The following SERGEF variants were observed in gnomAD, a reference collection of about 807,000 sequenced individuals.
The protein encoded by SERGEF is secretion regulating guanine nucleotide exchange factor, also known as secretion-regulating guanine nucleotide exchange factor.
A neutral mutation model predicts 50.0 loss-of-function variants in SERGEF; 51 were observed. The ratio of observed to expected loss-of-function variants is 1.02; its 90% CI spans 0.81 to 1.29. The LOEUF is 1.29. Ranked by LOEUF, SERGEF falls within the 50% of genes most tolerant of loss-of-function variation. SERGEF has a pLI of 0.00. For missense variants in SERGEF, 521 were observed against 557.0 expected (o/e 0.94, Z 0.65); for synonymous variants, 205 against 212.4 (o/e 0.97, Z 0.30).
At chr11:17,978,442 TGAG>T (rs1200232630) in intron 8 of SERGEF, among the ~76,000 whole-genome samples, 5 of 152,176 alleles carry the variant, frequency 3.3e-5, no homozygotes, top group African/African-American at 1.2e-4. Flanking sequence ...TCCAGAGAAC[TGAG>T]GAGGAGAACT....
intron 10 of SERGEF, among the ~76,000 whole-genome samples, chr11:17,789,616 C>CAAAAG (rs1288054519): frequency 2.0e-5 from 3 of 152,066 alleles, no homozygotes; most frequent in East Asian, 1.9e-4. Flanking sequence ...ATCTTCATGA[C>CAAAAG]AAAAGAAAAG....
chr11:17,919,985 C>T (rs1184777695), intron 9 of SERGEF, among the ~76,000 whole-genome samples: 1 of 150,480 alleles, frequency 6.6e-6, no homozygotes, highest in Non-Finnish European at 1.5e-5. Context: ...CGGTGGCTCA[C>T]GCCTGTAATC....
At position 17,932,779 on chromosome 11, in the gene SERGEF, A is replaced by T. The variant is rs187217261; in HGVS notation, c.1011+26691T>A. ...GAATAGAGATGCGGAACAAATGGAGAGGCAGAGCAACTTCAAGCTGGGTGG... is the reference window on the plus strand; with the variant it reads ...GAATAGAGATGCGGAACAAATGGAGTGGCAGAGCAACTTCAAGCTGGGTGG... On this transcript the variant is annotated intron_variant, in intron 9 of 10. Transcript: ENST00000265965. Among the ~76,000 whole-genome samples the T allele has an allele frequency of 2.6e-3, 393 of 152,230 alleles. 1 individual carries two copies. Among genetic ancestry groups the T allele is most frequent in the Middle Eastern group, 0.01 (3 of 294 alleles).
chr11:17,820,015 A>T (rs7109837), intron 10 of SERGEF, among the ~76,000 whole-genome samples: 84,707 of 150,488 alleles, frequency 0.56, 24,765 homozygotes, highest in East Asian at 0.86. Flanking sequence ...TTAAAAAAAA[A>T]TTTTTTTTTG....
At chr11:17,908,307 C>T (rs1851888659) in intron 9 of SERGEF, among the ~76,000 whole-genome samples, 1 of 152,146 alleles carries the variant, frequency 6.6e-6, no homozygotes, top group Admixed American at 6.5e-5. Flanking sequence ...CTTGCAGTTT[C>T]CTGAATGTGC....
intron 9 of SERGEF, among the ~76,000 whole-genome samples, chr11:17,891,051 A>G (rs1851524270): frequency 1.3e-5 from 2 of 152,220 alleles, no homozygotes; most frequent in Admixed American, 6.5e-5. Flanking sequence ...ATGGCCCTCA[A>G]TTTGGCCTAA....
intron 10 of SERGEF, among the ~76,000 whole-genome samples, chr11:17,815,433 T>C (rs1224729898): frequency 2.2e-5 from 2 of 92,940 alleles, no homozygotes; most frequent in African/African-American, 4.2e-5. Flanking sequence ...ACCCCATCTC[T>C]ACTAAAAAAA....
chr11:17,971,413 G>A (rs185986400), intron 8 of SERGEF, among the ~76,000 whole-genome samples: 2 of 152,314 alleles, frequency 1.3e-5, no homozygotes, highest in African/African-American at 4.8e-5. Context: ...TGACTTTAAG[G>A]TGAAGCCAAT....
intron 10 of SERGEF, among the ~76,000 whole-genome samples, chr11:17,801,734 G>A (rs1267747434): frequency 1.3e-5 from 2 of 152,170 alleles, no homozygotes; most frequent in African/African-American, 2.4e-5. Context: ...CCTAAGAGAT[G>A]ATAAACCTGA....
At position 17,975,060 on chromosome 11, in the gene SERGEF, C is replaced by T. The variant is rs141304561; in HGVS notation, c.844+13537G>A. Among the ~76,000 whole-genome samples the T allele has an allele frequency of 9.8e-5, 15 of 152,314 alleles. No homozygotes were observed. The East Asian group carries it at 2.9e-3, about 29-fold the overall frequency. ...GAAGCAGTAGTACTATTGATGGCTC[C>T]CTGCCTATGCACACAGTAACTTTCC... On this transcript the variant is annotated intron_variant, in intron 8 of 10. Transcript: ENST00000265965.
chr11:17,912,806 C>T (rs1367680136), intron 9 of SERGEF, among the ~76,000 whole-genome samples: 6 of 152,182 alleles, frequency 3.9e-5, no homozygotes, highest in Non-Finnish European at 8.8e-5. Flanking sequence ...AGTGGCCTCT[C>T]GGCTCCAGCT....
intron 10 of SERGEF, among the ~76,000 whole-genome samples, chr11:17,857,902 A>G (rs558925838): frequency 6.6e-6 from 1 of 152,342 alleles, no homozygotes; most frequent in East Asian, 1.9e-4. Flanking sequence ...TAAAGGAACA[A>G]AGAAAGTATG....
chr11:18,012,446 G>A (rs1854215894), intron 1 of SERGEF: 1 of 1,025,324 alleles, frequency 9.8e-7, no homozygotes, highest in African/African-American at 1.7e-5. Flanking sequence ...ACAGCAGAGT[G>A]TCAGCAAATA....
chr11:17,814,731 T>G (rs1849932776), intron 10 of SERGEF, among the ~76,000 whole-genome samples: 1 of 152,220 alleles, frequency 6.6e-6, no homozygotes, highest in Non-Finnish European at 1.5e-5. Flanking sequence ...AAGTGGAATT[T>G]CTCTTAAGAA....
chr11:17,995,772 G>C (rs758575091), intron 6 of SERGEF, 24 bp downstream of exon 6: 1 of 1,449,742 alleles, frequency 6.9e-7, no homozygotes, highest in Non-Finnish European at 9.7e-7. Context: ...AACAAATATA[G>C]GACTAAAGAA....
intron 10 of SERGEF, among the ~76,000 whole-genome samples, chr11:17,872,452 C>T (rs1851157774): frequency 6.6e-6 from 1 of 152,154 alleles, no homozygotes; most frequent in Admixed American, 6.5e-5. Context: ...TAGTTGCTTA[C>T]CTATCAGACT....
chr11:17,832,500 T>C (rs1232892054), intron 10 of SERGEF, among the ~76,000 whole-genome samples: 1 of 152,174 alleles, frequency 6.6e-6, no homozygotes, highest in Non-Finnish European at 1.5e-5. Flanking sequence ...AGTAAACTGG[T>C]ACCAGTAGAG....
chr11:17,910,585 T>C (rs1419975276), intron 9 of SERGEF, among the ~76,000 whole-genome samples: 4 of 152,146 alleles, frequency 2.6e-5, no homozygotes, highest in South Asian at 4.1e-4. Flanking sequence ...AGCTAAATCA[T>C]GGGAATTTGT....
chr11:17,849,277 T>G (rs1185680691), intron 10 of SERGEF, among the ~76,000 whole-genome samples: 1 of 152,230 alleles, frequency 6.6e-6, no homozygotes, highest in East Asian at 1.9e-4. Context: ...AAGTATCTCT[T>G]GTTCTCCTAG....
Sources: gnomAD v4.1 joint callset for allele counts (sites outside exome capture counted in the v4.1 genomes callset) on GRCh38, gnomAD v4.1.1 for gene constraint, MANE v1.5 for transcripts, NCBI Gene and HGNC (gene_info 2026-07-23, HGNC 2026-07-21) for gene names.